Variants in BTLA observed in about 807,000 individuals in gnomAD.
The protein encoded by BTLA is B- and T-lymphocyte attenuator.
Under a neutral mutation model 25.0 loss-of-function variants are expected in BTLA, and 11 were observed. The observed-to-expected ratio is 0.44, with a 90% CI of 0.28 to 0.73. The LOEUF is 0.73. BTLA is among the 30% of genes least tolerant of loss of function. BTLA has a pLI of 0.15. For synonymous variants in BTLA, 104 were observed against 119.8 expected (o/e 0.87, Z 0.86); for missense variants, 282 against 332.8 (o/e 0.85, Z 1.19).
chr3:112,485,919 C>T (rs2082344817), intron 1 of BTLA, among the ~76,000 whole-genome samples: 1 of 152,104 alleles, frequency 6.6e-6, no homozygotes, highest in Non-Finnish European at 1.5e-5. Context: ...GAGACCATCC[C>T]GGCTAACACG....
chr3:112,473,788 G>T (rs2082275743), intron 2 of BTLA, among the ~76,000 whole-genome samples: 1 of 151,586 alleles, frequency 6.6e-6, no homozygotes, highest in Admixed American at 6.6e-5. Context: ...TTTATTTTTT[G>T]TATTTTTAGT....
chr3:112,498,515 G>T, intron 1 of BTLA, among the ~76,000 whole-genome samples: 1 of 149,878 alleles, frequency 6.7e-6, no homozygotes, highest in Non-Finnish European at 1.5e-5. Flanking sequence ...ATAATATGTG[G>T]GTTCCTATGC....
intron 1 of BTLA, among the ~76,000 whole-genome samples, chr3:112,490,597 C>G (rs536190061): frequency 9.0e-6 from 1 of 110,536 alleles, no homozygotes; most frequent in South Asian, 3.3e-4. Flanking sequence ...CATTTTCTCC[C>G]TGGGTAAACA....
At chr3:112,488,816 GT>G (rs369087632) in intron 1 of BTLA, among the ~76,000 whole-genome samples, 10 of 151,746 alleles carry the variant, frequency 6.6e-5, no homozygotes, top group African/African-American at 2.4e-4. Flanking sequence ...GATTCACCAT[GT>G]TGGCCAGGCT....
chr3:112,467,344 T>C (rs78224539), intron 4 of BTLA, among the ~76,000 whole-genome samples: 87 of 152,314 alleles, frequency 5.7e-4, no homozygotes, highest in African/African-American at 2.0e-3. Flanking sequence ...AAAGTAAAAT[T>C]AGTCCTGATG....
At chr3:112,487,229 A>G in intron 1 of BTLA, among the ~76,000 whole-genome samples, 1 of 152,234 alleles carries the variant, frequency 6.6e-6, no homozygotes, top group East Asian at 1.9e-4. Flanking sequence ...GACCAAAAAT[A>G]TTTTGAAGGG....
At chr3:112,485,656 G>A (rs1361727187) in intron 1 of BTLA, among the ~76,000 whole-genome samples, 1 of 151,064 alleles carries the variant, frequency 6.6e-6, no homozygotes, top group East Asian at 2.0e-4. Context: ...CTCCATCCCC[G>A]GGTTCAAGCG....
intron 1 of BTLA, among the ~76,000 whole-genome samples, chr3:112,495,512 G>A (rs563984364): frequency 6.6e-6 from 1 of 152,292 alleles, no homozygotes; most frequent in East Asian, 1.9e-4. Flanking sequence ...TCTGTGATAG[G>A]AAAAGTATAT....
rs1261086049 is a variant in BTLA, at chr3:112,466,229, T to C, written c.749A>G (p.Glu250Gly). 6.2e-7 allele frequency: 1 copy of C among 1,614,160 alleles called. No homozygotes were observed. Among genetic ancestry groups the C allele is most frequent in the Non-Finnish European group, 8.5e-7 (1 of 1,179,994 alleles). The change falls in exon 5 of 5, where the codon GAA becomes GGA. Residue 250 changes from glutamate (E) to glycine (G), a missense_variant. By Grantham distance (98) the Glu-to-Gly change is moderately conservative (BLOSUM62 -2). Coordinates refer to ENST00000334529, the MANE Select transcript of BTLA (RefSeq NM_181780.4). ...SEVYSNPCLEENKPGIVYASL... is the reference protein window; with the variant it reads ...SEVYSNPCLEGNKPGIVYASL... ...AGCATAAACAATGCCTGGTTTGTTT[T>C]CTTCCAGGCATGGATTAGAATAAAC...
intron 1 of BTLA, among the ~76,000 whole-genome samples, chr3:112,492,313 C>T (rs1020454038): frequency 6.6e-6 from 1 of 152,232 alleles, no homozygotes; most frequent in Non-Finnish European, 1.5e-5. Context: ...CTTTGATTGC[C>T]TGTTACACAT....
At position 112,464,979 on chromosome 3, in the gene BTLA, TATTTTTGAAA is replaced by T. The variant is rs2082217682; in HGVS notation, c.*1119_*1128del. 6.6e-6 allele frequency: 1 copy of T among 152,270 alleles called. No homozygotes were observed. The highest frequency in any genetic ancestry group is 1.5e-5 in the Non-Finnish European group (1 of 68,056). The allele number at this position is 152,270 out of a possible 1,614,324, so 9.4% of individuals were successfully genotyped here. A position where few individuals can be genotyped will look rare whatever the true frequency, so the allele number is the denominator to read the frequency against. On this transcript the variant is annotated 3_prime_UTR_variant, in exon 5 of 5. Transcript: ENST00000334529. ...CAAACTGTTGAATAAAATTATAGGC[TATTTTTGAAA>T]TAGTTTAACTCAAGTACTTTGGAAA...
At chr3:112,483,546 A>T (rs1488841047) in intron 1 of BTLA, among the ~76,000 whole-genome samples, 1 of 152,108 alleles carries the variant, frequency 6.6e-6, no homozygotes, top group East Asian at 1.9e-4. Context: ...GCCTTGAGGG[A>T]CGTTGCATGC....
In BTLA at chr3:112,479,508, G is replaced by A. The variant is rs968158460; in HGVS notation, c.350C>T (p.Ala117Val). The A allele has an allele frequency of 1.2e-6, 2 of 1,614,002 alleles. No individual in the cohort carries two copies. The highest frequency in any genetic ancestry group is 1.7e-6 in the Non-Finnish European group (2 of 1,179,906). Residue 117 changes from alanine to valine, a missense_variant, in exon 2 of 5, where the codon GCA (alanine) becomes GTA (valine). This residue lies in a region of BTLA where 163 missense variants were observed against 230.4 expected (regional missense o/e 0.71). Coordinates refer to ENST00000334529, the MANE Select transcript of BTLA (RefSeq NM_181780.4). Reference sequence around the variant, plus strand: ...TTCAATGAGATTAGACTGAAAATTTGCAGAACAGCGGTATGACCCATTGTC... The same window carrying A: ...TTCAATGAGATTAGACTGAAAATTTACAGAACAGCGGTATGACCCATTGTC... ...PNDNGSYRCS[A>V]NFQSNLIESH... is the part of the protein sequence containing the mutation.
rs2082216401 is a variant in BTLA at position 112,464,819 on chromosome 3, A to ACC, written c.*1288_*1289insGG. Reference sequence around the variant, plus strand: ...ACCTAACACACACACACACACACACACACACACACATCACATTCCTTTGTG... The same window carrying ACC: ...ACCTAACACACACACACACACACACACCCACACACACATCACATTCCTTTGTG... On this transcript the variant is annotated 3_prime_UTR_variant, in exon 5 of 5. Coordinates refer to ENST00000334529, the MANE Select transcript of BTLA (RefSeq NM_181780.4). 6.6e-6 allele frequency: 1 copy of ACC among 151,862 alleles called. No homozygotes were observed. Among genetic ancestry groups the ACC allele is most frequent in the Non-Finnish European group, 1.5e-5 (1 of 67,998 alleles). The allele number at this position is 151,862 out of a possible 1,614,324, so 9.4% of individuals were successfully genotyped here.
intron 2 of BTLA, 87 bp from the exon 3 acceptor site, chr3:112,471,442 G>C (rs983880296): frequency 7.1e-7 from 1 of 1,404,906 alleles, no homozygotes; most frequent in Non-Finnish European, 9.6e-7. Context: ...CAGAACTTGA[G>C]TGAAGGAGAT....
intron 1 of BTLA, among the ~76,000 whole-genome samples, chr3:112,497,016 T>C (rs898443736): frequency 6.6e-6 from 1 of 152,340 alleles, no homozygotes; most frequent in South Asian, 2.1e-4. Context: ...GCTAGGGCCA[T>C]GGCTCCCAGC....
chr3:112,499,482 A>G, upstream of BTLA: 1 of 658,554 alleles, frequency 1.5e-6, no homozygotes, highest in Non-Finnish European at 2.5e-6. Flanking sequence ...TAAAAAAAAA[A>G]AAAAAAGAAG....
chr3:112,480,532 A>G (rs1042080457), intron 1 of BTLA, among the ~76,000 whole-genome samples: 2 of 152,208 alleles, frequency 1.3e-5, no homozygotes, highest in Non-Finnish European at 2.9e-5. Context: ...TGGTGCCAGC[A>G]TCTAGCAAAG....
intron 2 of BTLA, among the ~76,000 whole-genome samples, chr3:112,473,611 C>CTTTTTTTTTTTTTTT (rs777897332): frequency 5.2e-5 from 6 of 115,154 alleles, no homozygotes; most frequent in African/African-American, 1.1e-4. Flanking sequence ...TTTTCTTCTT[C>CTTTTTTTTTTTTTTT]TTTTTTTTTT....
Sources: gnomAD v4.1 joint callset for allele counts (sites outside exome capture counted in the v4.1 genomes callset) on GRCh38, gnomAD v4.1.1 for gene constraint, gnomAD v4.1.1 regional missense constraint, MANE v1.5 for transcripts, NCBI Gene and HGNC (gene_info 2026-07-23, HGNC 2026-07-21) for gene names.